ARSG: variants seen among roughly 807,000 people sequenced by gnomAD.
The protein encoded by ARSG is ASG.
ARSG carries 37 observed loss-of-function variants against 50.5 expected under a neutral mutation model. That is an observed-to-expected ratio of 0.73 (90% CI 0.56 to 0.96). ARSG has a LOEUF of 0.96. Ranked by LOEUF, ARSG falls within the 50% of genes least tolerant of loss-of-function variation. The pLI, the probability that ARSG is intolerant of heterozygous loss-of-function variation, is 0.00. For missense variants in ARSG, 629 were observed against 675.3 expected, an observed-to-expected ratio of 0.93 and a Z score of 0.76; for synonymous variants, 225 against 254.6, an observed-to-expected ratio of 0.88 and a Z score of 1.11.
At chr17:68,283,133 ATTTTT>A (rs1226967573) in intron 1 of ARSG, 1 of 151,300 alleles carries the variant, frequency 6.6e-6, no homozygotes, top group African/African-American at 2.4e-5. Flanking sequence ...TCTAAAAAAA[ATTTTT>A]TTTTAAGTTG....
intron 8 of ARSG, among the ~76,000 whole-genome samples, chr17:68,384,071 A>T (rs1288049220): frequency 6.6e-6 from 1 of 152,146 alleles, no homozygotes; most frequent in African/African-American, 2.4e-5. Flanking sequence ...CTTCCTCCCC[A>T]CGCTTCTCCC....
At position 68,333,176 on chromosome 17, in the gene ARSG, G is replaced by A. The variant is rs540528676; in HGVS notation, c.219-10428G>A. Among the ~76,000 whole-genome samples the A allele has an allele frequency of 2.6e-5, 4 of 152,194 alleles. No homozygotes were observed. In the South Asian group the frequency reaches 6.2e-4, roughly 24 times the overall value. Reference sequence around the variant, plus strand: ...ATACAACAACAACAACAAAAAATTAGCCAGGCATGGGGGCAGACACCTGTA... The same window carrying A: ...ATACAACAACAACAACAAAAAATTAACCAGGCATGGGGGCAGACACCTGTA... On this transcript the variant is annotated intron_variant, in intron 2 of 11. Transcript: ENST00000621439.
At chr17:68,401,815 C>T (rs138521355) in intron 11 of ARSG, among the ~76,000 whole-genome samples, 3 of 152,230 alleles carry the variant, frequency 2.0e-5, no homozygotes, top group African/African-American at 7.2e-5. Context: ...GACAATAGAC[C>T]GTTTCAGAAA....
intron 4 of ARSG, among the ~76,000 whole-genome samples, chr17:68,347,656 G>A (rs1054650837): frequency 1.3e-5 from 2 of 152,194 alleles, no homozygotes; most frequent in African/African-American, 4.8e-5. Flanking sequence ...ACCAAAGCTG[G>A]TTCTCTGAAA....
downstream of ARSG, chr17:68,426,253 G>GGGGGGGGGGGGGA: frequency 1.2e-6 from 1 of 841,018 alleles, no homozygotes. Context: ...GGGGAGCGGG[G>GGGGGGGGGGGGGA]GCTCAAATAA....
intron 8 of ARSG, among the ~76,000 whole-genome samples, chr17:68,373,508 C>A (rs144340398): frequency 3.3e-5 from 5 of 152,136 alleles, no homozygotes; most frequent in Non-Finnish European, 7.4e-5. Flanking sequence ...GGATTACAGG[C>A]GTGAGCCACC....
intron 9 of ARSG, among the ~76,000 whole-genome samples, chr17:68,386,525 C>A (rs1425026688): frequency 1.3e-5 from 2 of 152,100 alleles, no homozygotes; most frequent in East Asian, 1.9e-4. Context: ...GCCTGTGGGG[C>A]CCCCAGAAAT....
intron 1 of ARSG, among the ~76,000 whole-genome samples, chr17:68,299,444 T>G (rs2076332586): frequency 6.6e-6 from 1 of 151,510 alleles, no homozygotes; most frequent in East Asian, 1.9e-4. Flanking sequence ...CTGATCAGGC[T>G]GAACATGACA....
At chr17:68,293,847 C>T (rs2076110111) in intron 1 of ARSG, among the ~76,000 whole-genome samples, 1 of 152,192 alleles carries the variant, frequency 6.6e-6, no homozygotes, top group Admixed American at 6.5e-5. Flanking sequence ...TACGCACAGC[C>T]TTGCTAGTCA....
chr17:68,335,773 C>G lies in ARSG; in HGVS notation c.219-7831C>G, dbSNP rs183458841. 3.3e-3 allele frequency among the ~76,000 whole-genome samples: 495 copies of G among 152,158 alleles called. 1 individual carries two copies. Among genetic ancestry groups the G allele is most frequent in the African/African-American group, 0.011 (464 of 41,504 alleles). ...GGTAGGATAGTGGGGAGAGACATTC[C>G]CAGTGGGGAGAACAGCGTGTGCGAA... On this transcript the variant is annotated intron_variant, in intron 2 of 11. Transcript: ENST00000621439.
At chr17:68,430,521 T>C in the ARSG span, among the ~76,000 whole-genome samples, 4 of 152,124 alleles carry the variant, frequency 2.6e-5, no homozygotes, top group Non-Finnish European at 5.9e-5. Flanking sequence ...TTAAATAAGC[T>C]TGGGACTGTG....
At chr17:68,390,675 G>A (rs1396662152) in intron 9 of ARSG, among the ~76,000 whole-genome samples, 3 of 152,184 alleles carry the variant, frequency 2.0e-5, no homozygotes, top group Admixed American at 6.5e-5. Flanking sequence ...TCAGGCTGGA[G>A]TGCAATGGCA....
chr17:68,283,592 G>A (rs1200179337), intron 1 of ARSG, among the ~76,000 whole-genome samples: 2 of 151,972 alleles, frequency 1.3e-5, no homozygotes, highest in Admixed American at 1.3e-4. Context: ...AAGCTGAGGC[G>A]GGTGGATCAC....
At chr17:68,336,158 C>T (rs901749833) in intron 2 of ARSG, among the ~76,000 whole-genome samples, 1 of 151,770 alleles carries the variant, frequency 6.6e-6, no homozygotes, top group Non-Finnish European at 1.5e-5. Context: ...CTCGGCCTCC[C>T]AAAGTGCTGG....
At chr17:68,424,411 GC>G (rs749867708), downstream of ARSG, 10 of 533,578 alleles carry the variant, frequency 1.9e-5, no homozygotes, top group Non-Finnish European at 1.5e-5. Flanking sequence ...CCACGGATCT[GC>G]GGGAGAAAGA....
the ARSG span, among the ~76,000 whole-genome samples, chr17:68,429,102 C>T: frequency 3.3e-5 from 5 of 152,180 alleles, no homozygotes; most frequent in Admixed American, 3.3e-4. Context: ...TGCATTCTGG[C>T]CTTGGGATCT....
chr17:68,394,017 CGGCCATTGTTCACAT>C (rs2081120097), intron 9 of ARSG, among the ~76,000 whole-genome samples: 1 of 151,730 alleles, frequency 6.6e-6, no homozygotes, highest in East Asian at 1.9e-4. Context: ...GGTCTCAAAC[CGGCCATTGTTCACAT>C]GGCCATTGTT....
rs772688974 is a variant in ARSG at position 68,370,512 on chromosome 17, CA to C, written c.973del (p.Thr325LeufsTer39). The C allele has an allele frequency of 6.2e-7, 1 of 1,613,862 alleles. No homozygotes were observed. The highest frequency in any genetic ancestry group is 8.5e-7 in the Non-Finnish European group (1 of 1,179,924). On this transcript the variant is annotated frameshift_variant, in exon 8 of 12. Coordinates refer to ENST00000621439, the MANE Select transcript of ARSG (RefSeq NM_001267727.2). LOFTEE classifies it high-confidence loss of function. ...GSVGPFTGFW[Q>X]TRQGGSPAKQ... is the part of the protein sequence containing the mutation. ...TGTGGGTCCCTTCACTGGATTTTGG[CA>C]AACTCGTCAAGGTAAGGGGCTCAGC... is the stretch of plus-strand genomic sequence containing the variant.
chr17:68,268,301 C>T (rs1416643568), intron 1 of ARSG: 3 of 152,432 alleles, frequency 2.0e-5, no homozygotes, highest in Non-Finnish European at 4.4e-5. Flanking sequence ...TCACATATTT[C>T]TGTATAACTA....
Sources: gnomAD v4.1 joint callset for allele counts (sites outside exome capture counted in the v4.1 genomes callset) on GRCh38, gnomAD v4.1.1 for gene constraint, MANE v1.5 for transcripts, NCBI Gene and HGNC (gene_info 2026-07-23, HGNC 2026-07-21) for gene names.